Variants in WWOX observed in about 807,000 individuals in gnomAD.
The protein encoded by WWOX is WW domain containing oxidoreductase, also known as WW domain-containing oxidoreductase.
Under a neutral mutation model 46.2 loss-of-function variants are expected in WWOX, and 69 were observed. The observed-to-expected ratio is 1.49, with a 90% CI of 1.23 to 1.82. WWOX has a LOEUF of 1.82. WWOX is among the 40% of genes most tolerant of loss of function. The pLI, the probability that WWOX is intolerant of heterozygous loss-of-function variation, is 0.00. For synonymous variants in WWOX, 359 were observed against 202.6 expected, an observed-to-expected ratio of 1.77 and a Z score of -6.56; for missense variants, 919 against 542.6, an observed-to-expected ratio of 1.69 and a Z score of -6.89.
chr16:79,146,120 C>G (rs1032696599), intron 8 of WWOX, among the ~76,000 whole-genome samples: 5 of 152,218 alleles, frequency 3.3e-5, no homozygotes, highest in Middle Eastern at 3.4e-3. Context: ...TTCCTGGTAA[C>G]TTGCATTTTT....
chr16:78,529,929 G>A (rs111851380), intron 8 of WWOX, among the ~76,000 whole-genome samples: 20 of 152,300 alleles, frequency 1.3e-4, no homozygotes, highest in African/African-American at 4.8e-4. Context: ...GAGTCTTGTT[G>A]GTTTCCGTGT....
chr16:78,602,500 G>A (rs2045644993), intron 8 of WWOX, among the ~76,000 whole-genome samples: 1 of 152,124 alleles, frequency 6.6e-6, no homozygotes, highest in African/African-American at 2.4e-5. Context: ...TCAAAGTGCT[G>A]GGATTACAGG....
At chr16:78,803,994 G>C (rs919763680) in intron 8 of WWOX, among the ~76,000 whole-genome samples, 24 of 152,108 alleles carry the variant, frequency 1.6e-4, no homozygotes, top group African/African-American at 5.8e-4. Context: ...GCTGATTGAT[G>C]ATGAGATAGA....
At chr16:78,542,046 A>AAAAAAAAAAAT (rs2043910098) in intron 8 of WWOX, among the ~76,000 whole-genome samples, 1 of 145,594 alleles carries the variant, frequency 6.9e-6, no homozygotes, top group East Asian at 2.0e-4. Flanking sequence ...AAAAAAAAAA[A>AAAAAAAAAAAT]GTAAATTGCA....
chr16:78,702,858 T>A (rs1298110870), intron 8 of WWOX, among the ~76,000 whole-genome samples: 1 of 152,060 alleles, frequency 6.6e-6, no homozygotes, highest in Admixed American at 6.6e-5. Flanking sequence ...TTTTCCACCA[T>A]TGTTAAATCC....
At chr16:78,670,518 A>G (rs1026826644) in intron 8 of WWOX, among the ~76,000 whole-genome samples, 9 of 151,854 alleles carry the variant, frequency 5.9e-5, no homozygotes, top group African/African-American at 2.2e-4. Context: ...GGGTTATGGG[A>G]TAAATGGCTA....
intron 8 of WWOX, among the ~76,000 whole-genome samples, chr16:79,126,484 T>C (rs1298526094): frequency 6.6e-6 from 1 of 152,130 alleles, no homozygotes; most frequent in Non-Finnish European, 1.5e-5. Context: ...AAGTGTTTGG[T>C]AGTTCGTTCT....
chr16:78,343,207 C>T lies in WWOX; in HGVS notation c.517-43653C>T. Among the ~76,000 whole-genome samples the T allele has an allele frequency of 1.7e-5, 2 of 119,662 alleles. 1 individual carries two copies. 78.5% of individuals were successfully genotyped at this position (119,662 alleles called of 152,430 possible). Reference sequence around the variant, plus strand: ...CCTCTGTGGGCTCTCAGCAGTGTCCCCGATGTGGAGGGTCTTCTTATTCTG... The same window carrying T: ...CCTCTGTGGGCTCTCAGCAGTGTCCTCGATGTGGAGGGTCTTCTTATTCTG... On this transcript the variant is annotated intron_variant, in intron 5 of 8. Transcript: ENST00000566780.
intron 8 of WWOX, among the ~76,000 whole-genome samples, chr16:78,854,974 G>A (rs184692055): frequency 6.6e-6 from 1 of 150,700 alleles, no homozygotes; most frequent in Admixed American, 6.6e-5. Flanking sequence ...TGAAGTAATG[G>A]CTTCTCAAAT....
intron 8 of WWOX, among the ~76,000 whole-genome samples, chr16:79,066,220 A>T (rs1018697426): frequency 4.6e-5 from 7 of 152,052 alleles, no homozygotes; most frequent in African/African-American, 1.7e-4. Context: ...CGTTCCTTCC[A>T]GAGAGGCCTC....
At chr16:78,925,026 C>A (rs1016304276) in intron 8 of WWOX, among the ~76,000 whole-genome samples, 3 of 152,050 alleles carry the variant, frequency 2.0e-5, no homozygotes, top group African/African-American at 7.2e-5. Context: ...AAAACCCTGT[C>A]TCTACAAAAA....
intron 8 of WWOX, among the ~76,000 whole-genome samples, chr16:79,053,556 C>G (rs1170221144): frequency 6.6e-6 from 1 of 152,142 alleles, no homozygotes; most frequent in African/African-American, 2.4e-5. Context: ...GATATTTAAT[C>G]TTTTTAATAT....
At chr16:79,147,240 C>G (rs1450637585) in intron 8 of WWOX, among the ~76,000 whole-genome samples, 4 of 152,160 alleles carry the variant, frequency 2.6e-5, no homozygotes, top group African/African-American at 4.8e-5. Context: ...CAAACCACAC[C>G]CACCTTCCTT....
At chr16:78,817,887 G>C (rs963557411) in intron 8 of WWOX, among the ~76,000 whole-genome samples, 1 of 152,174 alleles carries the variant, frequency 6.6e-6, no homozygotes, top group Non-Finnish European at 1.5e-5. Context: ...CTTTAGAAAT[G>C]AGAAACCATC....
intron 8 of WWOX, among the ~76,000 whole-genome samples, chr16:79,046,123 T>C (rs1259071882): frequency 2.0e-5 from 3 of 152,290 alleles, no homozygotes; most frequent in South Asian, 2.1e-4. Flanking sequence ...TTCTATATTG[T>C]AGGGATAATA....
At chr16:78,214,215 C>T (rs548103507) in intron 5 of WWOX, among the ~76,000 whole-genome samples, 3 of 152,250 alleles carry the variant, frequency 2.0e-5, no homozygotes, top group African/African-American at 4.8e-5. Flanking sequence ...CCAAAGTCAC[C>T]GCAGCTCCTC....
chr16:78,817,169 A>ATTGTTTTTTTTTTT (rs1460643310), intron 8 of WWOX, among the ~76,000 whole-genome samples: 1 of 26,586 alleles, frequency 3.8e-5, no homozygotes, highest in Non-Finnish European at 7.8e-5. Context: ...CATTAGTGCT[A>ATTGTTTTTTTTTTT]TTCTTTTTTT....
intron 8 of WWOX, among the ~76,000 whole-genome samples, chr16:78,934,129 A>T (rs1169144320): frequency 2.0e-5 from 3 of 151,826 alleles, no homozygotes; most frequent in African/African-American, 7.3e-5. Context: ...AGGTCAGGAG[A>T]TGGAGACCAT....
At chr16:78,761,288 G>A (rs1453148289) in intron 8 of WWOX, among the ~76,000 whole-genome samples, 2 of 152,158 alleles carry the variant, frequency 1.3e-5, no homozygotes, top group Non-Finnish European at 2.9e-5. Flanking sequence ...CAAGAAGTCG[G>A]ATCTGCTTGT....
Sources: allele counts gnomAD v4.1 joint callset (sites outside exome capture counted in the v4.1 genomes callset), GRCh38; gene constraint gnomAD v4.1.1; transcripts MANE v1.5; gene names NCBI Gene and HGNC (gene_info 2026-07-23, HGNC 2026-07-21).